Variants in FCRL4 observed in about 807,000 individuals in gnomAD.
The protein encoded by FCRL4 is Fc receptor-like protein 4.
In FCRL4, 43 loss-of-function variants were observed where a neutral mutation model predicts 64.1. That is an observed-to-expected ratio of 0.67 (90% CI 0.53 to 0.87). The LOEUF (loss-of-function observed/expected upper bound fraction) is 0.87, where lower values mean the gene tolerates loss of function less well. Ranked by LOEUF, FCRL4 falls within the 40% of genes least tolerant of loss-of-function variation. The probability of loss-of-function intolerance (pLI) is 0.00; values close to 1 mark genes in which losing one functional copy is unlikely to be tolerated. For missense variants in FCRL4, 656 were observed against 613.5 expected, an observed-to-expected ratio of 1.07 and a Z score of -0.73; for synonymous variants, 253 against 239.8, an observed-to-expected ratio of 1.05 and a Z score of -0.51.
chr1:157,580,223 G>T, intron 8 of FCRL4, 98 bp downstream of exon 8: 4 of 1,300,314 alleles, frequency 3.1e-6, no homozygotes, highest in Non-Finnish European at 4.5e-6. Context: ...TAGCCACAGG[G>T]CCAAAGAGGT....
intron 10 of FCRL4, among the ~76,000 whole-genome samples, chr1:157,577,218 G>C (rs1164443915): frequency 6.6e-6 from 1 of 152,180 alleles, no homozygotes; most frequent in Non-Finnish European, 1.5e-5. Context: ...CCTGGTGAAG[G>C]AGATCTCAGA....
intron 3 of FCRL4, among the ~76,000 whole-genome samples, chr1:157,588,638 C>G (rs1304418018): frequency 6.6e-6 from 1 of 152,176 alleles, no homozygotes. Flanking sequence ...TTAGCTATAT[C>G]TCTTCTTTCT....
At chr1:157,583,728 T>C (rs1652613728) in intron 6 of FCRL4, among the ~76,000 whole-genome samples, 1 of 152,182 alleles carries the variant, frequency 6.6e-6, no homozygotes, top group South Asian at 2.1e-4. Flanking sequence ...TCCCTGGTGT[T>C]TGGTTATGGC....
rs967852733 is a variant in FCRL4, at chr1:157,580,182, C to A, written c.1277+139G>T. The A allele has an allele frequency of 3.3e-6, 3 of 903,730 alleles. No individual in the cohort carries two copies. The African/African-American group carries it at 5.0e-5, about 15-fold the overall frequency. 56.0% of individuals were successfully genotyped at this position (903,730 alleles called of 1,614,324 possible). Reference sequence around the variant, plus strand: ...AAGTTCTAGGAAGCTTCATTTTTGACAAATTCATGGAGTGTGAAAATGGAA... The same window carrying A: ...AAGTTCTAGGAAGCTTCATTTTTGAAAAATTCATGGAGTGTGAAAATGGAA... On this transcript the variant is annotated intron_variant, in intron 8 of 11. Coordinates refer to ENST00000271532, the MANE Select transcript of FCRL4 (RefSeq NM_031282.3).
chr1:157,594,344 T>A (rs1214270919), intron 2 of FCRL4, among the ~76,000 whole-genome samples: 1 of 152,224 alleles, frequency 6.6e-6, no homozygotes, highest in Non-Finnish European at 1.5e-5. Flanking sequence ...AGATGCACAC[T>A]GGGTGCTCTT....
At position 157,575,265 on chromosome 1, in the gene FCRL4, T is replaced by A. The variant is rs1413599691; in HGVS notation, c.*259A>T. On this transcript the variant is annotated 3_prime_UTR_variant, in exon 12 of 12. Coordinates refer to ENST00000271532, the MANE Select transcript of FCRL4 (RefSeq NM_031282.3). The stretch of plus-strand genomic sequence containing the variant: ...AGCAGACCCTAGGGAATACATTAGG[T>A]CAGGCCCACAGCAAATACTACAGGG... The A allele has an allele frequency of 5.9e-6, 3 of 510,344 alleles. No individual in the cohort carries two copies. The highest frequency in any genetic ancestry group is 5.7e-5 in the African/African-American group (3 of 52,428). The allele number at this position is 510,344 out of a possible 1,614,324, so 31.6% of individuals were successfully genotyped here.
chr1:157,587,654 C>A, intron 4 of FCRL4, 94 bp from the exon 5 acceptor site: 1 of 1,377,952 alleles, frequency 7.3e-7, no homozygotes, highest in Non-Finnish European at 9.9e-7. Context: ...AAACTTCAGA[C>A]ACACAGCAAG....
At chr1:157,591,621 G>T (rs564114046) in intron 2 of FCRL4, among the ~76,000 whole-genome samples, 1 of 152,200 alleles carries the variant, frequency 6.6e-6, no homozygotes, top group Admixed American at 6.5e-5. Context: ...GGAGGTAGGT[G>T]CTCCTAACTT....
intron 10 of FCRL4, among the ~76,000 whole-genome samples, 188 bp from the exon 11 acceptor site, chr1:157,575,918 C>A (rs1652401285): frequency 6.6e-6 from 1 of 152,190 alleles, no homozygotes; most frequent in African/African-American, 2.4e-5. Context: ...CAGCCCTCTG[C>A]AAGTTCTTTT....
chr1:157,577,495 T>A (rs1194447025), intron 10 of FCRL4, among the ~76,000 whole-genome samples: 1 of 152,142 alleles, frequency 6.6e-6, no homozygotes, highest in Non-Finnish European at 1.5e-5. Context: ...TTTTAAACAA[T>A]GAGAAAAAAG....
In FCRL4 at chr1:157,579,487, C is replaced by T. The variant is rs10908577; in HGVS notation, c.1278-635G>A. ...ATCCCAGCACTTTGGGAGGCCGAGG[C>T]GGGCAGATCACTTGAAGCCAGGAGT... On this transcript the variant is annotated intron_variant, in intron 8 of 11. Coordinates refer to ENST00000271532, the MANE Select transcript of FCRL4 (RefSeq NM_031282.3). Among the ~76,000 whole-genome samples the T allele has an allele frequency of 4.1e-3, 622 of 152,196 alleles. 14 individuals are homozygous for T. The highest frequency in any genetic ancestry group is 0.03 in the East Asian group (153 of 5,166).
rs1393474077 is a variant in FCRL4 at position 157,575,410 on chromosome 1, T to C, written c.*114A>G. ...GTGAATGCATATGCATGAGAAGAAT[T>C]AGAAAGCTGGAATGAGTTGATCATT... is the stretch of plus-strand genomic sequence containing the variant. On this transcript the variant is annotated 3_prime_UTR_variant, in exon 12 of 12. Transcript: ENST00000271532. 5.3e-6 allele frequency: 4 copies of C among 748,412 alleles called. No homozygotes were observed. The highest frequency in any genetic ancestry group is 9.3e-6 in the Non-Finnish European group (4 of 429,888). The allele number at this position is 748,412 out of a possible 1,614,324, so 46.4% of individuals were successfully genotyped here. A position where few individuals can be genotyped will look rare whatever the true frequency, so the allele number is the denominator to read the frequency against.
intron 3 of FCRL4, 47 bp from the exon 4 acceptor site, chr1:157,588,166 A>C (rs367736444): frequency 1.3e-6 from 2 of 1,548,906 alleles, no homozygotes; most frequent in African/African-American, 2.8e-5. Flanking sequence ...CATTCCTGCT[A>C]TCTCCTTCTT....
chr1:157,595,472 C>A (rs1287275129), intron 2 of FCRL4, among the ~76,000 whole-genome samples: 1 of 152,224 alleles, frequency 6.6e-6, no homozygotes, highest in East Asian at 1.9e-4. Flanking sequence ...GGCCCTATGG[C>A]CAGGAAGGGA....
At chr1:157,579,225 C>T (rs1292037476) in intron 8 of FCRL4, among the ~76,000 whole-genome samples, 13 of 152,192 alleles carry the variant, frequency 8.5e-5, no homozygotes, top group Non-Finnish European at 1.5e-4. Context: ...ATAAAGTTGG[C>T]CAGGCATGGT....
rs760191054 is a variant in FCRL4, at chr1:157,575,630, T to A, written c.1462-20A>T. The A allele has an allele frequency of 9.9e-6, 16 of 1,612,636 alleles. No homozygotes were observed. Among genetic ancestry groups the A allele is most frequent in the Non-Finnish European group, 1.4e-5 (16 of 1,178,742 alleles). On this transcript the variant is annotated intron_variant, in intron 11 of 11. Transcript: ENST00000271532. ...GACATCCTGAAATGGAAGAAAGAAG[T>A]GGAAACCGAGAGGGAGTGTGAGGCT...
chr1:157,574,285 G>C lies in FCRL4; in HGVS notation c.*1239C>G, dbSNP rs1393542873. 1 of 216,994 alleles carries C rather than the reference G, an allele frequency of 4.6e-6. No individual in the cohort carries two copies. Among genetic ancestry groups the C allele is most frequent in the Non-Finnish European group, 9.3e-6 (1 of 107,992 alleles). The allele number at this position is 216,994 out of a possible 1,614,324, so 13.4% of individuals were successfully genotyped here. A position where few individuals can be genotyped will look rare whatever the true frequency, so the allele number is the denominator to read the frequency against. Reference sequence around the variant, plus strand: ...CTTTTTCTCAGTTTATGTTTTGCTGGTTGCAATCCCATAATGTTATTTAAA... The same window carrying C: ...CTTTTTCTCAGTTTATGTTTTGCTGCTTGCAATCCCATAATGTTATTTAAA... On this transcript the variant is annotated 3_prime_UTR_variant, in exon 12 of 12. Transcript: ENST00000271532.
rs150260179 is a variant in FCRL4 at position 157,577,967 on chromosome 1, CA to C, written c.1429+506del. Among the ~76,000 whole-genome samples the C allele has an allele frequency of 6.3e-3, 965 of 152,160 alleles. 11 individuals carry two copies. Among genetic ancestry groups the C allele is most frequent in the African/African-American group, 0.022 (924 of 41,502 alleles). On this transcript the variant is annotated intron_variant, in intron 10 of 11. Coordinates refer to ENST00000271532, the MANE Select transcript of FCRL4 (RefSeq NM_031282.3). ...ACAAAGCTTAAATAAAAGCAAGCCTCAAAAGGATCCAACTCATTCCAAATAA... is the reference window on the plus strand; with the variant it reads ...ACAAAGCTTAAATAAAAGCAAGCCTCAAAGGATCCAACTCATTCCAAATAA...
chr1:157,581,891 G>A (rs554535136), intron 6 of FCRL4, among the ~76,000 whole-genome samples: 1 of 152,300 alleles, frequency 6.6e-6, no homozygotes. Flanking sequence ...ACAATTTAGG[G>A]GAAATCCTAA....
Sources: allele counts gnomAD v4.1 joint callset (sites outside exome capture counted in the v4.1 genomes callset), GRCh38; gene constraint gnomAD v4.1.1; transcripts MANE v1.5; gene names NCBI Gene and HGNC (gene_info 2026-07-23, HGNC 2026-07-21).